The following ADAMTS16 variants were observed in gnomAD, a reference collection of about 807,000 sequenced individuals.
ADAMTS16 encodes the protein A disintegrin and metalloproteinase with thrombospondin motifs 16.
ADAMTS16 carries 94 observed loss-of-function variants against 145.8 expected under a neutral mutation model. That is an observed-to-expected ratio of 0.64 (90% CI 0.55 to 0.77). The LOEUF (loss-of-function observed/expected upper bound fraction) is 0.77. ADAMTS16 is among the 30% of genes least tolerant of loss of function. The pLI, the probability that ADAMTS16 is intolerant of heterozygous loss-of-function variation, is 0.00. For missense variants in ADAMTS16, 1,585 were observed against 1,591.5 expected, an observed-to-expected ratio of 1.00 and a Z score of 0.07; for synonymous variants, 659 against 604.3, an observed-to-expected ratio of 1.09 and a Z score of -1.33.
chr5:5,260,419 A>G (rs181254323), intron 17 of ADAMTS16, among the ~76,000 whole-genome samples: 102 of 152,368 alleles, frequency 6.7e-4, no homozygotes, highest in Non-Finnish European at 1.2e-3. Context: ...TAAATAACCT[A>G]TTCCTGATCA....
At chr5:5,271,390 CCCGCTCCTT>C (rs1322969322) in intron 18 of ADAMTS16, among the ~76,000 whole-genome samples, 1 of 152,236 alleles carries the variant, frequency 6.6e-6, no homozygotes, top group African/African-American at 2.4e-5. Context: ...GCCTGTGGCT[CCCGCTCCTT>C]CCGCTCCTCC....
intron 17 of ADAMTS16, among the ~76,000 whole-genome samples, chr5:5,257,079 T>TTTTC (rs1350298977): frequency 6.6e-6 from 1 of 152,206 alleles, no homozygotes; most frequent in Non-Finnish European, 1.5e-5. Context: ...TTTTTCTAAT[T>TTTTC]TAATAGTCTC....
At chr5:5,301,990 G>A (rs958475555) in intron 18 of ADAMTS16, among the ~76,000 whole-genome samples, 8 of 152,200 alleles carry the variant, frequency 5.3e-5, no homozygotes, top group Non-Finnish European at 4.4e-5. Context: ...GAGTTGCACA[G>A]GGAAATTAAC....
intron 6 of ADAMTS16, 75 bp from the exon 7 acceptor site, chr5:5,189,896 T>G: frequency 6.4e-7 from 1 of 1,556,942 alleles, no homozygotes; most frequent in South Asian, 1.2e-5. Flanking sequence ...AATAATAGTT[T>G]GCTGTGATGA....
intron 17 of ADAMTS16, among the ~76,000 whole-genome samples, chr5:5,242,872 A>T (rs1190795986): frequency 1.3e-5 from 2 of 152,242 alleles, no homozygotes; most frequent in Non-Finnish European, 1.5e-5. Flanking sequence ...AAATATTTGC[A>T]AGTTTAAAAC....
chr5:5,161,085 G>A (rs1285169437), intron 3 of ADAMTS16, among the ~76,000 whole-genome samples: 2 of 152,134 alleles, frequency 1.3e-5, no homozygotes, highest in Non-Finnish European at 1.5e-5. Flanking sequence ...CTATATTTTT[G>A]TATGCACATG....
Position 5,191,764 on chromosome 5 carries a change from C to T in ADAMTS16, c.1287C>T (p.Phe429=). 6.2e-7 allele frequency: 1 copy of T among 1,613,514 alleles called. No homozygotes were observed. Among genetic ancestry groups the T allele is most frequent in the Non-Finnish European group, 8.5e-7 (1 of 1,179,638 alleles). ...INEDTGLGLA[F]TIAHESGHNF... Reference sequence around the variant, plus strand: ...AAGATACAGGTCTTGGACTGGCCTTCACCATTGCCCATGAGTCTGGACACA... The same window carrying T: ...AAGATACAGGTCTTGGACTGGCCTTTACCATTGCCCATGAGTCTGGACACA... The change falls in exon 8 of 23, where the codon TTC becomes TTT. Residue 429 remains phenylalanine (F), a synonymous_variant. Coordinates refer to ENST00000274181, the MANE Select transcript of ADAMTS16 (RefSeq NM_139056.4).
chr5:5,158,002 C>A (rs1451402778), intron 3 of ADAMTS16, among the ~76,000 whole-genome samples: 1 of 152,208 alleles, frequency 6.6e-6, no homozygotes. Context: ...AAACGACTCC[C>A]ATCCCATTCC....
chr5:5,213,692 G>A (rs1736338889), intron 10 of ADAMTS16, among the ~76,000 whole-genome samples: 1 of 152,090 alleles, frequency 6.6e-6, no homozygotes, highest in Non-Finnish European at 1.5e-5. Flanking sequence ...ATGAGGCATG[G>A]ACTTCTGGGC....
chr5:5,308,088 T>C (rs940220694), intron 21 of ADAMTS16, among the ~76,000 whole-genome samples: 1 of 152,176 alleles, frequency 6.6e-6, no homozygotes, highest in Non-Finnish European at 1.5e-5. Flanking sequence ...TGCATGACCA[T>C]AACAGGTGGC....
At chr5:5,284,325 T>A (rs1739034918) in intron 18 of ADAMTS16, among the ~76,000 whole-genome samples, 1 of 152,266 alleles carries the variant, frequency 6.6e-6, no homozygotes, top group South Asian at 2.1e-4. Context: ...TATAATTGCT[T>A]GCAGTTTCCT....
intron 18 of ADAMTS16, among the ~76,000 whole-genome samples, chr5:5,286,807 G>A (rs1341784894): frequency 7.2e-6 from 1 of 139,732 alleles, no homozygotes; most frequent in Non-Finnish European, 1.5e-5. Context: ...GCAGTGAGCC[G>A]AGATAGTGCC....
At position 5,319,371 on chromosome 5, in the gene ADAMTS16, G is replaced by A. The variant is rs1034909994; in HGVS notation, c.*233G>A. 6 of 521,014 alleles carry A rather than the reference G, an allele frequency of 1.2e-5. No homozygotes were observed. The highest frequency in any genetic ancestry group is 1.0e-4 in the Admixed American group (3 of 29,188). The allele number at this position is 521,014 out of a possible 1,614,324, so 32.3% of individuals were successfully genotyped here. On this transcript the variant is annotated 3_prime_UTR_variant, in exon 23 of 23. Coordinates refer to ENST00000274181, the MANE Select transcript of ADAMTS16 (RefSeq NM_139056.4). ...TGTCAGGCTGAAATGTGGCACCCTG[G>A]CAGACAGAGCTGTGGCTCGTGAGGC...
intron 7 of ADAMTS16, among the ~76,000 whole-genome samples, chr5:5,191,144 C>A (rs573800276): frequency 6.6e-6 from 1 of 152,302 alleles, no homozygotes; most frequent in East Asian, 1.9e-4. Flanking sequence ...CTGTTTCCCC[C>A]GACTTCTGCC....
Position 5,158,104 on chromosome 5 carries a change from G to A in ADAMTS16, c.501+11649G>A, listed in dbSNP as rs71596738. Reference sequence around the variant, plus strand: ...ACTGTTTCACTGTTGCTCCAAGCCAGGGCAGGCTTCCTTCTTATGCATCCA... The same window carrying A: ...ACTGTTTCACTGTTGCTCCAAGCCAAGGCAGGCTTCCTTCTTATGCATCCA... On this transcript the variant is annotated intron_variant, in intron 3 of 22. Coordinates refer to ENST00000274181, the MANE Select transcript of ADAMTS16 (RefSeq NM_139056.4). 5.7e-3 allele frequency among the ~76,000 whole-genome samples: 870 copies of A among 152,290 alleles called. 4 individuals are homozygous for A. The highest frequency in any genetic ancestry group is 8.7e-3 in the Non-Finnish European group (594 of 68,020).
intron 7 of ADAMTS16, among the ~76,000 whole-genome samples, chr5:5,190,632 CTG>C (rs1735639666): frequency 6.6e-6 from 1 of 152,144 alleles, no homozygotes; most frequent in Non-Finnish European, 1.5e-5. Context: ...GTGTAAAACA[CTG>C]TGCTACTGAC....
At chr5:5,206,425 C>CAAAAAAAAAAAAA (rs1173829992) in intron 9 of ADAMTS16, among the ~76,000 whole-genome samples, 5 of 39,436 alleles carry the variant, frequency 1.3e-4, no homozygotes, top group Admixed American at 3.7e-4. Flanking sequence ...GACTCCGTCT[C>CAAAAAAAAAAAAA]AAAAAAAAAA....
intron 18 of ADAMTS16, among the ~76,000 whole-genome samples, chr5:5,279,992 T>G (rs894724128): frequency 3.9e-5 from 6 of 151,902 alleles, no homozygotes; most frequent in African/African-American, 1.4e-4. Flanking sequence ...TTCATTTTGT[T>G]CTTTCTTTTC....
At chr5:5,144,059 G>C (rs1579267960) in intron 2 of ADAMTS16, among the ~76,000 whole-genome samples, 4 of 152,102 alleles carry the variant, frequency 2.6e-5, no homozygotes, top group Admixed American at 2.6e-4. Context: ...AAACCACCAT[G>C]ATACATGTAT....
Sources: allele counts gnomAD v4.1 joint callset (sites outside exome capture counted in the v4.1 genomes callset), GRCh38; gene constraint gnomAD v4.1.1; transcripts MANE v1.5; gene names NCBI Gene and HGNC (gene_info 2026-07-23, HGNC 2026-07-21).